Variants in NGEF observed in about 807,000 individuals in gnomAD.
NGEF encodes the protein neuronal guanine nucleotide exchange factor.
A neutral mutation model predicts 80.9 loss-of-function variants in NGEF; 31 were observed. The observed-to-expected ratio is 0.38, with a 90% CI of 0.29 to 0.52. NGEF has a LOEUF of 0.52. Ranked by LOEUF, NGEF falls within the 20% of genes least tolerant of loss-of-function variation. NGEF has a pLI of 0.84. For missense variants in NGEF, 709 were observed against 926.2 expected, an observed-to-expected ratio of 0.77 and a Z score of 3.04; for synonymous variants, 371 against 370.2, an observed-to-expected ratio of 1.00 and a Z score of -0.03.
intron 5 of NGEF, chr2:232,901,337 G>C (rs1039068893): frequency 1.0e-6 from 1 of 983,316 alleles, no homozygotes; most frequent in African/African-American, 1.7e-5. Flanking sequence ...TCGAGGCTGC[G>C]CGATTTCTCC....
intron 3 of NGEF, among the ~76,000 whole-genome samples, chr2:232,960,150 T>C (rs4513281): frequency 0.6 from 90,668 of 152,140 alleles, 27,698 homozygotes; most frequent in African/African-American, 0.72. Context: ...TTTCTTAGTT[T>C]ATCCAGAAAA....
intron 1 of NGEF, among the ~76,000 whole-genome samples, chr2:232,984,203 G>T (rs576122235): frequency 2.0e-4 from 31 of 152,096 alleles, no homozygotes; most frequent in African/African-American, 7.2e-4. Context: ...TCCTTCCTCA[G>T]CCTCCCCAGT....
At chr2:232,928,767 G>A (rs1375955433) in intron 3 of NGEF, among the ~76,000 whole-genome samples, 1 of 152,206 alleles carries the variant, frequency 6.6e-6, no homozygotes, top group Non-Finnish European at 1.5e-5. Flanking sequence ...GTCTGGGATG[G>A]GTTCGGGGGC....
In NGEF at chr2:232,958,034, T is replaced by C. The variant is rs868351640; in HGVS notation, c.383+12180A>G. 3.6e-4 allele frequency among the ~76,000 whole-genome samples: 55 copies of C among 152,370 alleles called. 2 individuals carry two copies. In the Middle Eastern group the frequency reaches 0.024, roughly 66 times the overall value. On this transcript the variant is annotated intron_variant, in intron 3 of 14. Transcript: ENST00000264051. Reference sequence around the variant, plus strand: ...ACAGATAGAAAATTCAAACCTCTCTTCAGTCACCGTGTCCAAGTAGCCTGA... The same window carrying C: ...ACAGATAGAAAATTCAAACCTCTCTCCAGTCACCGTGTCCAAGTAGCCTGA...
At chr2:232,924,355 C>T in intron 4 of NGEF, among the ~76,000 whole-genome samples, 1 of 152,162 alleles carries the variant, frequency 6.6e-6, no homozygotes, top group East Asian at 1.9e-4. Flanking sequence ...AGATAGCCAG[C>T]CCTCAGCAGA....
chr2:232,996,185 G>T (rs975446190), intron 1 of NGEF, among the ~76,000 whole-genome samples: 1 of 152,022 alleles, frequency 6.6e-6, no homozygotes, highest in Non-Finnish European at 1.5e-5. Flanking sequence ...AAAATTAGCC[G>T]GGTGTGGTAG....
rs576405547 is a variant in NGEF at position 232,996,139 on chromosome 2, C to T, written c.-75+16929G>A. On this transcript the variant is annotated intron_variant, in intron 1 of 14. Transcript: ENST00000264051. Reference sequence around the variant, plus strand: ...TAAAAACTGACCAATTCCAGCCTGGCCAACGTGGCAAAACCCCATCTTTAC... The same window carrying T: ...TAAAAACTGACCAATTCCAGCCTGGTCAACGTGGCAAAACCCCATCTTTAC... 1.4e-4 allele frequency among the ~76,000 whole-genome samples: 21 copies of T among 152,186 alleles called. 1 individual carries two copies. The highest frequency in any genetic ancestry group is 2.8e-4 in the Non-Finnish European group (19 of 68,010).
At chr2:232,880,064 T>A (rs543894774) in intron 14 of NGEF, among the ~76,000 whole-genome samples, 2 of 152,052 alleles carry the variant, frequency 1.3e-5, no homozygotes, top group African/African-American at 4.8e-5. Context: ...TTAGCTGGCG[T>A]GGACTGTGTC....
At chr2:233,003,880 C>T (rs1321627544) in intron 1 of NGEF, among the ~76,000 whole-genome samples, 4 of 152,182 alleles carry the variant, frequency 2.6e-5, no homozygotes, top group African/African-American at 9.7e-5. Flanking sequence ...GGTGGTTGTG[C>T]CCCTGGCCCG....
intron 2 of NGEF, among the ~76,000 whole-genome samples, chr2:232,972,113 C>G (rs1008099379): frequency 6.6e-6 from 1 of 152,096 alleles, no homozygotes. Flanking sequence ...TGTTGGGAAA[C>G]TTTTAAGGGT....
intron 1 of NGEF, among the ~76,000 whole-genome samples, chr2:232,998,413 G>A (rs892024514): frequency 4.6e-5 from 7 of 152,122 alleles, no homozygotes; most frequent in Admixed American, 2.0e-4. Flanking sequence ...GGAGCATGGC[G>A]CATGTGCTTA....
At position 233,009,778 on chromosome 2, in the gene NGEF, G is replaced by T. The variant is rs528316271; in HGVS notation, c.-75+3290C>A. Among the ~76,000 whole-genome samples, 25 of 152,282 alleles carry T rather than the reference G, an allele frequency of 1.6e-4. No homozygotes were observed. In the South Asian group the frequency reaches 4.6e-3, roughly 28 times the overall value. On this transcript the variant is annotated intron_variant, in intron 1 of 14. Transcript: ENST00000264051. Reference sequence around the variant, plus strand: ...ACCAGGTGCAGGGTGCAGAAGTGAGGGATGAATTTCCCATGGGACACGCTG... The same window carrying T: ...ACCAGGTGCAGGGTGCAGAAGTGAGTGATGAATTTCCCATGGGACACGCTG...
Position 232,900,608 on chromosome 2 carries a change from TCA to T in NGEF, c.829-5694_829-5693del, listed in dbSNP as rs1449276542. On this transcript the variant is annotated intron_variant, in intron 5 of 14. Transcript: ENST00000264051. ...CACAGTCACTCATATACACGTTCAC[TCA>T]CATACACACACGCTCTCACAGTCAC... 1.7e-3 allele frequency among the ~76,000 whole-genome samples: 90 copies of T among 52,680 alleles called. 18 individuals carry two copies. Among genetic ancestry groups the T allele is most frequent in the African/African-American group, 6.7e-3 (84 of 12,552 alleles). 34.6% of individuals were successfully genotyped at this position (52,680 alleles called of 152,430 possible). A position where few individuals can be genotyped will look rare whatever the true frequency, so the allele number is the denominator to read the frequency against.
chr2:232,929,181 A>G (rs1693165029), intron 3 of NGEF, among the ~76,000 whole-genome samples: 1 of 152,136 alleles, frequency 6.6e-6, no homozygotes, highest in African/African-American at 2.4e-5. Flanking sequence ...TGGAGTGCGG[A>G]GCATAGTCCC....
intron 3 of NGEF, among the ~76,000 whole-genome samples, chr2:232,959,215 T>A (rs1693894948): frequency 6.6e-6 from 1 of 152,202 alleles, no homozygotes; most frequent in African/African-American, 2.4e-5. Context: ...GGGGCATTTA[T>A]CCTGTTTGGA....
intron 1 of NGEF, among the ~76,000 whole-genome samples, chr2:232,977,979 G>A (rs1451024522): frequency 1.3e-5 from 2 of 152,160 alleles, no homozygotes; most frequent in African/African-American, 2.4e-5. Context: ...TGGGAAGCAG[G>A]AGTGAAGCCA....
At chr2:232,902,546 C>T (rs1390346223) in intron 5 of NGEF, among the ~76,000 whole-genome samples, 1 of 151,956 alleles carries the variant, frequency 6.6e-6, no homozygotes, top group Non-Finnish European at 1.5e-5. Context: ...TCGGCACTCA[C>T]ACACATCACA....
intron 1 of NGEF, among the ~76,000 whole-genome samples, chr2:233,002,004 A>G (rs1184731758): frequency 2.0e-5 from 3 of 151,962 alleles, no homozygotes; most frequent in Non-Finnish European, 2.9e-5. Flanking sequence ...ACTCTGTCTT[A>G]AAAAATAATA....
At chr2:232,883,843 A>G in intron 11 of NGEF, 138 bp downstream of exon 11, 3 of 900,494 alleles carry the variant, frequency 3.3e-6, no homozygotes, top group Non-Finnish European at 4.9e-6. Context: ...GCTGGGCCAC[A>G]GCAGAACAGA....
Sources: gnomAD v4.1 joint callset for allele counts (sites outside exome capture counted in the v4.1 genomes callset) on GRCh38, gnomAD v4.1.1 for gene constraint, MANE v1.5 for transcripts, NCBI Gene and HGNC (gene_info 2026-07-23, HGNC 2026-07-21) for gene names.